Variants in ARHGAP15 observed in about 807,000 individuals in gnomAD.
ARHGAP15 encodes the protein Rho GTPase activating protein 15.
In ARHGAP15, 51 loss-of-function variants were observed where a neutral mutation model predicts 63.7. The ratio of observed to expected loss-of-function variants is 0.80; its 90% CI spans 0.64 to 1.01. The LOEUF is 1.01. ARHGAP15 is among the 50% of genes least tolerant of loss of function. The probability of loss-of-function intolerance (pLI) is 0.00; values close to 1 mark genes in which losing one functional copy is unlikely to be tolerated. For missense variants in ARHGAP15, 560 were observed against 564.6 expected, an observed-to-expected ratio of 0.99 and a Z score of 0.08; for synonymous variants, 191 against 193.8, an observed-to-expected ratio of 0.99 and a Z score of 0.12.
intron 6 of ARHGAP15, among the ~76,000 whole-genome samples, chr2:143,372,322 A>G (rs1452600627): frequency 2.0e-5 from 3 of 147,686 alleles, no homozygotes; most frequent in Non-Finnish European, 4.5e-5. Context: ...CAGCCTGGCG[A>G]CAAAAAATAA....
At chr2:143,284,370 T>G (rs576300137) in intron 6 of ARHGAP15, among the ~76,000 whole-genome samples, 25 of 152,300 alleles carry the variant, frequency 1.6e-4, no homozygotes, top group South Asian at 1.4e-3. Context: ...ATAGTGAAAT[T>G]TATCAATATG....
chr2:143,408,235 T>C (rs1688296472), intron 6 of ARHGAP15, among the ~76,000 whole-genome samples: 1 of 149,586 alleles, frequency 6.7e-6, no homozygotes, highest in South Asian at 2.1e-4. Flanking sequence ...CCTCCCTTCT[T>C]CCTCCTCCTT....
chr2:143,224,910 T>G (rs577988784), intron 4 of ARHGAP15, among the ~76,000 whole-genome samples: 1 of 152,318 alleles, frequency 6.6e-6, no homozygotes, highest in East Asian at 1.9e-4. Flanking sequence ...TGGATGAAGC[T>G]GGATACCATC....
intron 13 of ARHGAP15, among the ~76,000 whole-genome samples, chr2:143,722,982 G>A (rs1685128638): frequency 6.6e-6 from 1 of 152,196 alleles, no homozygotes; most frequent in African/African-American, 2.4e-5. Context: ...ACCACATAAT[G>A]ACACATCCAT....
At chr2:143,205,323 A>G (rs1354887911) in intron 3 of ARHGAP15, among the ~76,000 whole-genome samples, 1 of 151,712 alleles carries the variant, frequency 6.6e-6, no homozygotes, top group Non-Finnish European at 1.5e-5. Context: ...CACCATTTCC[A>G]TGTACACTTC....
intron 12 of ARHGAP15, among the ~76,000 whole-genome samples, chr2:143,655,586 G>T (rs1681393859): frequency 6.6e-6 from 1 of 152,140 alleles, no homozygotes; most frequent in South Asian, 2.1e-4. Context: ...CTTCCCCATA[G>T]TAGAGTTGAT....
intron 6 of ARHGAP15, among the ~76,000 whole-genome samples, chr2:143,340,964 T>C (rs1225163543): frequency 6.6e-6 from 1 of 152,180 alleles, no homozygotes; most frequent in Non-Finnish European, 1.5e-5. Context: ...TTCACTATCA[T>C]TTGGCCAACG....
At chr2:143,281,603 A>G (rs934183666) in intron 6 of ARHGAP15, among the ~76,000 whole-genome samples, 1 of 152,114 alleles carries the variant, frequency 6.6e-6, no homozygotes. Flanking sequence ...TAAGAACCCA[A>G]TCTCTCAGAT....
At chr2:143,516,081 C>T (rs778017697) in intron 9 of ARHGAP15, among the ~76,000 whole-genome samples, 3 of 152,178 alleles carry the variant, frequency 2.0e-5, no homozygotes, top group Non-Finnish European at 2.9e-5. Flanking sequence ...CCACCACATG[C>T]TCCCACATTG....
chr2:143,307,961 A>C (rs569512930), intron 6 of ARHGAP15, among the ~76,000 whole-genome samples: 1 of 152,284 alleles, frequency 6.6e-6, no homozygotes, highest in African/African-American at 2.4e-5. Flanking sequence ...TAGATACAGC[A>C]CACAGTTTTA....
At chr2:143,758,548 A>G (rs1686657875) in intron 13 of ARHGAP15, among the ~76,000 whole-genome samples, 1 of 152,196 alleles carries the variant, frequency 6.6e-6, no homozygotes. Flanking sequence ...GGAGATATTC[A>G]CAGGAGAGGA....
chr2:143,719,380 G>A (rs142292535), intron 13 of ARHGAP15, among the ~76,000 whole-genome samples: 1 of 152,268 alleles, frequency 6.6e-6, no homozygotes, highest in African/African-American at 2.4e-5. Context: ...TAGTGAAAAG[G>A]CATGTAAAGT....
intron 6 of ARHGAP15, among the ~76,000 whole-genome samples, chr2:143,258,607 G>A (rs1486938941): frequency 6.6e-6 from 1 of 152,098 alleles, no homozygotes; most frequent in Non-Finnish European, 1.5e-5. Flanking sequence ...AGGGGAGGAG[G>A]CTGCTCTTTT....
intron 6 of ARHGAP15, among the ~76,000 whole-genome samples, chr2:143,354,973 A>G (rs1685745273): frequency 6.6e-6 from 1 of 152,136 alleles, no homozygotes; most frequent in African/African-American, 2.4e-5. Flanking sequence ...ATATGTGAAC[A>G]TTTTTCATTG....
chr2:143,510,018 TA>T (rs35469918), intron 9 of ARHGAP15, among the ~76,000 whole-genome samples: 3,431 of 48,632 alleles, frequency 0.071, 78 homozygotes, highest in East Asian at 0.17. Context: ...GACTCCCTCT[TA>T]AAAAAAAAAA....
intron 8 of ARHGAP15, among the ~76,000 whole-genome samples, chr2:143,442,268 G>C (rs1013998367): frequency 1.3e-5 from 2 of 152,088 alleles, no homozygotes; most frequent in African/African-American, 2.4e-5. Context: ...GTTTTCACAA[G>C]GAAACCATGT....
At chr2:143,549,416 A>G (rs1231043917) in intron 10 of ARHGAP15, among the ~76,000 whole-genome samples, 1 of 152,206 alleles carries the variant, frequency 6.6e-6, no homozygotes, top group Non-Finnish European at 1.5e-5. Context: ...TCAAACAAAT[A>G]GAGAAATGAA....
chr2:143,768,025 G>A lies in ARHGAP15; in HGVS notation c.1281G>A (p.Thr427=), dbSNP rs139437131. ...AAGCCTCCAAGAACCTCATGTCCAC[G>A]CAAAGCTTGGGGATTGTATTTGGAC... ...VAKASKNLMS[T]QSLGIVFGPT... The change falls in exon 14 of 14, where the codon ACG becomes ACA. Residue 427 remains threonine (T), a synonymous_variant. Transcript: ENST00000295095. The A allele has an allele frequency of 3.0e-4, 483 of 1,613,336 alleles. 2 individuals are homozygous for A. Among genetic ancestry groups the A allele is most frequent in the East Asian group, 2.2e-4 (10 of 44,844 alleles).
At chr2:143,703,368 C>T in intron 12 of ARHGAP15, 51 bp from the exon 13 acceptor site, 1 of 1,489,250 alleles carries the variant, frequency 6.7e-7, no homozygotes, top group Non-Finnish European at 9.2e-7. Context: ...TGTACCTGTA[C>T]CTATGAAATC....
Sources: allele counts gnomAD v4.1 joint callset (sites outside exome capture counted in the v4.1 genomes callset), GRCh38; gene constraint gnomAD v4.1.1; transcripts MANE v1.5; gene names NCBI Gene and HGNC (gene_info 2026-07-23, HGNC 2026-07-21).